The following RAPGEF1 variants were observed in gnomAD, a reference collection of about 807,000 sequenced individuals.
RAPGEF1 encodes the protein Rap guanine nucleotide exchange factor 1, also known as CRK SH3-binding GNRP.
A neutral mutation model predicts 143.3 loss-of-function variants in RAPGEF1; 33 were observed. The ratio of observed to expected loss-of-function variants is 0.23; its 90% CI spans 0.17 to 0.31. RAPGEF1 has a LOEUF of 0.31. Among genes scored for constraint, RAPGEF1 ranks in the 10% least tolerant of loss-of-function variants. The probability of loss-of-function intolerance (pLI) is 1.00; values close to 1 mark genes in which losing one functional copy is unlikely to be tolerated. For missense variants in RAPGEF1, 1,199 were observed against 1,645.4 expected, an observed-to-expected ratio of 0.73 and a Z score of 4.69; for synonymous variants, 629 against 676.5, an observed-to-expected ratio of 0.93 and a Z score of 1.09.
At chr9:131,730,572 G>A (rs1381615354) in intron 1 of RAPGEF1, among the ~76,000 whole-genome samples, 4 of 151,684 alleles carry the variant, frequency 2.6e-5, no homozygotes, top group Non-Finnish European at 4.4e-5. Flanking sequence ...GCGGGCGCCT[G>A]TCATCCCAGC....
At chr9:131,664,966 T>C (rs766219920) in intron 1 of RAPGEF1, among the ~76,000 whole-genome samples, 2 of 152,222 alleles carry the variant, frequency 1.3e-5, no homozygotes, top group African/African-American at 2.4e-5. Context: ...TTACAAATAC[T>C]GTATTAGACA....
At chr9:131,658,632 T>C (rs1480588458) in intron 1 of RAPGEF1, among the ~76,000 whole-genome samples, 1 of 152,128 alleles carries the variant, frequency 6.6e-6, no homozygotes, top group African/African-American at 2.4e-5. Flanking sequence ...GATCTGGCTG[T>C]CGGATGAATG....
intron 12 of RAPGEF1, among the ~76,000 whole-genome samples, chr9:131,610,072 A>G (rs1957798371): frequency 6.6e-6 from 1 of 151,900 alleles, no homozygotes; most frequent in African/African-American, 2.4e-5. Flanking sequence ...GATTTTTTGG[A>G]TTTTGTAGAG....
chr9:131,607,794 CTCATCGGCGCCCCCGTGTAAAG>C (rs1957347451), intron 12 of RAPGEF1, among the ~76,000 whole-genome samples: 1 of 152,154 alleles, frequency 6.6e-6, no homozygotes, highest in South Asian at 2.1e-4. Flanking sequence ...TTGAAATAGC[CTCATCGGCGCCCCCGTGTAAAG>C]TCACTTTGTG....
intron 12 of RAPGEF1, among the ~76,000 whole-genome samples, chr9:131,609,785 T>C (rs1957733951): frequency 6.6e-6 from 1 of 152,192 alleles, no homozygotes; most frequent in Non-Finnish European, 1.5e-5. Context: ...GTAAAATACT[T>C]AGAAAAGGCA....
chr9:131,716,656 A>G (rs1186662848), intron 1 of RAPGEF1, among the ~76,000 whole-genome samples: 1 of 152,168 alleles, frequency 6.6e-6, no homozygotes, highest in Admixed American at 6.5e-5. Context: ...GTCTGTAGTC[A>G]CAGCTACTCG....
chr9:131,733,202 ATG>A (rs1384422632), intron 1 of RAPGEF1, among the ~76,000 whole-genome samples: 1 of 152,038 alleles, frequency 6.6e-6, no homozygotes, highest in Non-Finnish European at 1.5e-5. Flanking sequence ...TGGCCTTCTT[ATG>A]TATAAAAAAG....
At chr9:131,648,638 CA>C (rs1970308730) in intron 3 of RAPGEF1, among the ~76,000 whole-genome samples, 1 of 152,114 alleles carries the variant, frequency 6.6e-6, no homozygotes, top group African/African-American at 2.4e-5. Flanking sequence ...TGGCACAGAC[CA>C]AATCTACTGT....
Position 131,675,789 on chromosome 9 carries a change from A to G in RAPGEF1, c.62-24840T>C, listed in dbSNP as rs147124871. 2.8e-4 allele frequency among the ~76,000 whole-genome samples: 43 copies of G among 152,400 alleles called. No individual in the cohort carries two copies. The highest frequency in any genetic ancestry group is 1.0e-3 in the African/African-American group (42 of 41,600). On this transcript the variant is annotated intron_variant, in intron 1 of 26. Coordinates refer to ENST00000683357, the MANE Select transcript of RAPGEF1 (RefSeq NM_001377935.1). This position sits in a 1 kb window ranked among gnomAD's most constrained non-coding sequence, Gnocchi z 4.6. ...TTACTATACGCCAGCCCTGACAGGCAGACATTAATTGCCATTTTGCAGATG... is the reference window on the plus strand; with the variant it reads ...TTACTATACGCCAGCCCTGACAGGCGGACATTAATTGCCATTTTGCAGATG...
At chr9:131,629,464 A>G (rs574787602) in intron 6 of RAPGEF1, among the ~76,000 whole-genome samples, 83 of 152,238 alleles carry the variant, frequency 5.5e-4, no homozygotes, top group African/African-American at 1.9e-3. Context: ...TTGCACCTCA[A>G]TTTCCTCATC....
chr9:131,647,438 A>T (rs111814946), intron 3 of RAPGEF1, among the ~76,000 whole-genome samples: 115 of 152,294 alleles, frequency 7.6e-4, no homozygotes, highest in African/African-American at 2.5e-3. Flanking sequence ...AGCGAATCTG[A>T]ATCTGTACTT....
rs1404369374 is a variant in RAPGEF1 at position 131,659,169 on chromosome 9, T to C, written c.62-8220A>G. On this transcript the variant is annotated intron_variant, in intron 1 of 26. Transcript: ENST00000683357. Reference sequence around the variant, plus strand: ...AAATGCATAAAAAGGACAAATGGAGTGGAGGCGTGATTGAGGACATTAGGA... The same window carrying C: ...AAATGCATAAAAAGGACAAATGGAGCGGAGGCGTGATTGAGGACATTAGGA... 2.0e-5 allele frequency among the ~76,000 whole-genome samples: 3 copies of C among 152,082 alleles called. No homozygotes were observed. The East Asian group carries it at 5.8e-4, about 29-fold the overall frequency.
rs1436443026 is a variant in RAPGEF1, at chr9:131,626,313, C to T, written c.1311G>A (p.Glu437=). 1 of 1,613,914 alleles carries T rather than the reference C, an allele frequency of 6.2e-7. No homozygotes were observed. Among genetic ancestry groups the T allele is most frequent in the African/African-American group, 1.3e-5 (1 of 74,928 alleles). The change falls in exon 10 of 27, where the codon GAG becomes GAA. Residue 437 remains glutamate (E), a synonymous_variant. Transcript: ENST00000683357. ...NLSPLPESLG[E]SGSPFLGPPF... is the part of the protein sequence containing the mutation. ...GAGGGCCAAGAAATGGAGACCCAGA[C>T]TCCCCCAAAGACTCTGGCAACGGGC...
intron 5 of RAPGEF1, among the ~76,000 whole-genome samples, chr9:131,631,752 G>C (rs1336658114): frequency 6.6e-6 from 1 of 152,192 alleles, no homozygotes; most frequent in Non-Finnish European, 1.5e-5. Flanking sequence ...CCTTTCCAGC[G>C]CAAGGGTTCT....
intron 1 of RAPGEF1, among the ~76,000 whole-genome samples, chr9:131,706,270 T>A (rs1835052030): frequency 6.7e-6 from 1 of 148,954 alleles, no homozygotes; most frequent in Non-Finnish European, 1.5e-5. Flanking sequence ...TTCTTCTTCT[T>A]TTTTTTTTTG....
intron 1 of RAPGEF1, among the ~76,000 whole-genome samples, chr9:131,704,809 G>C (rs1834928824): frequency 6.6e-6 from 1 of 152,128 alleles, no homozygotes; most frequent in African/African-American, 2.4e-5. Flanking sequence ...CAGGCAGGGT[G>C]CCTGCCTGCC....
At chr9:131,690,155 G>A (rs1833679083) in intron 1 of RAPGEF1, among the ~76,000 whole-genome samples, 1 of 152,158 alleles carries the variant, frequency 6.6e-6, no homozygotes, top group Non-Finnish European at 1.5e-5. Flanking sequence ...GTTACCAAGA[G>A]TTAAAAAGTC....
intron 1 of RAPGEF1, among the ~76,000 whole-genome samples, chr9:131,669,220 A>G (rs1010855490): frequency 6.6e-6 from 1 of 152,202 alleles, no homozygotes; most frequent in African/African-American, 2.4e-5. Flanking sequence ...CTGGGCCTCC[A>G]GAGGAAAAAC....
intron 1 of RAPGEF1, among the ~76,000 whole-genome samples, chr9:131,727,034 C>G (rs1381771451): frequency 6.6e-6 from 1 of 152,020 alleles, no homozygotes; most frequent in Non-Finnish European, 1.5e-5. Flanking sequence ...CTGTATATCC[C>G]CAAAACATCA....
Sources: gnomAD v4.1 joint callset for allele counts (sites outside exome capture counted in the v4.1 genomes callset) on GRCh38, gnomAD v4.1.1 for gene constraint, Gnocchi (gnomAD v3.1) non-coding constraint, MANE v1.5 for transcripts, NCBI Gene and HGNC (gene_info 2026-07-23, HGNC 2026-07-21) for gene names.